Variants in SNX2 observed in about 807,000 individuals in gnomAD.
SNX2 encodes the protein sorting nexin 2, also known as sorting nexin-2.
SNX2 carries 25 observed loss-of-function variants against 69.9 expected under a neutral mutation model. That is an observed-to-expected ratio of 0.36 (90% confidence interval 0.26 to 0.50). The LOEUF (loss-of-function observed/expected upper bound fraction) is 0.50. Among genes scored for constraint, SNX2 ranks in the 20% least tolerant of loss-of-function variants. The probability of loss-of-function intolerance (pLI) is 0.97; values close to 1 mark genes in which losing one functional copy is unlikely to be tolerated. For missense variants in SNX2, 551 were observed against 613.3 expected (o/e 0.90, Z 1.07); for synonymous variants, 229 against 200.4 (o/e 1.14, Z -1.20).
intron 12 of SNX2, among the ~76,000 whole-genome samples, chr5:122,826,999 A>T (rs1754163936): frequency 6.6e-6 from 1 of 152,084 alleles, no homozygotes; most frequent in Non-Finnish European, 1.5e-5. Context: ...GTATTGATAT[A>T]TTCTGAAATA....
At chr5:122,827,968 C>A (rs1450120758) in intron 14 of SNX2, 2 of 209,784 alleles carry the variant, frequency 9.5e-6, no homozygotes, top group African/African-American at 4.6e-5. Context: ...TGAGTAAATT[C>A]TCATAGTAAG....
intron 1 of SNX2, among the ~76,000 whole-genome samples, chr5:122,778,721 T>C (rs1412047208): frequency 1.3e-5 from 2 of 152,166 alleles, no homozygotes; most frequent in Non-Finnish European, 1.5e-5. Flanking sequence ...TAATATCTTA[T>C]TGTGGTTTTG....
Position 122,801,886 on chromosome 5 carries a change from T to A in SNX2, c.408T>A (p.Asn136Lys), listed in dbSNP as rs1561456733. The A allele has an allele frequency of 6.3e-7, 1 of 1,598,484 alleles. No homozygotes were observed. Among genetic ancestry groups the A allele is most frequent in the African/African-American group, 1.3e-5 (1 of 74,620 alleles). The change falls in exon 4 of 15, where the codon AAT becomes AAA. Residue 136 changes from asparagine to lysine, a missense_variant. By Grantham distance (94) the Asn-to-Lys change is moderately conservative (BLOSUM62 0). Coordinates refer to ENST00000379516, the MANE Select transcript of SNX2 (RefSeq NM_003100.4). ...CTTTCTAGATTGAAGAAGAAGCAAA[T>A]GGAGACATTTTTGACATAGAAATTG... ...RSREEIEEEA[N>K]GDIFDIEIGV...
chr5:122,827,417 A>G lies in SNX2; in HGVS notation c.1395A>G (p.Glu465=), dbSNP rs370876112. ...TGCAACAAGGGGAAAGAGATTTTGA[A>G]CAGATATCTAAAACGATTCGAAAAG... ...AKVQQGERDF[E]QISKTIRKEV... The change falls in exon 13 of 15, where the codon GAA becomes GAG. Residue 465 remains glutamate (E), a synonymous_variant. Coordinates refer to ENST00000379516, the MANE Select transcript of SNX2 (RefSeq NM_003100.4). 34 of 1,613,442 alleles carry G rather than the reference A, an allele frequency of 2.1e-5. No individual in the cohort carries two copies. The highest frequency in any genetic ancestry group is 4.0e-5 in the African/African-American group (3 of 74,902).
intron 1 of SNX2, among the ~76,000 whole-genome samples, chr5:122,786,370 G>T (rs75267127): frequency 6.6e-6 from 1 of 151,774 alleles, no homozygotes; most frequent in African/African-American, 2.4e-5. Context: ...TAGATCTACC[G>T]TTTTATTTGC....
intron 14 of SNX2, among the ~76,000 whole-genome samples, chr5:122,828,234 C>T (rs1754204417): frequency 6.6e-6 from 1 of 151,592 alleles, no homozygotes; most frequent in Non-Finnish European, 1.5e-5. Flanking sequence ...AGGATTTCTT[C>T]CTTCCAGTTT....
At chr5:122,810,917 C>A (rs893696903) in intron 7 of SNX2, among the ~76,000 whole-genome samples, 1 of 152,170 alleles carries the variant, frequency 6.6e-6, no homozygotes, top group African/African-American at 2.4e-5. Flanking sequence ...AATCTTAATT[C>A]TTCTGTGCAA....
intron 11 of SNX2, among the ~76,000 whole-genome samples, chr5:122,824,992 C>G (rs954703482): frequency 2.6e-5 from 4 of 152,038 alleles, no homozygotes; most frequent in African/African-American, 9.7e-5. Context: ...GTGAATTTAC[C>G]CATGGTCATA....
chr5:122,793,219 TC>T (rs946811468), intron 1 of SNX2, among the ~76,000 whole-genome samples: 4 of 152,226 alleles, frequency 2.6e-5, no homozygotes, highest in African/African-American at 9.6e-5. Flanking sequence ...TTGATAAACA[TC>T]TAAGTGCTTA....
chr5:122,786,056 C>T (rs1277495246), intron 1 of SNX2, among the ~76,000 whole-genome samples: 1 of 152,122 alleles, frequency 6.6e-6, no homozygotes, highest in Admixed American at 6.5e-5. Flanking sequence ...TATTTTGTTA[C>T]ATAGATGCTT....
intron 6 of SNX2, 200 bp downstream of exon 6, chr5:122,803,813 G>T: frequency 2.1e-6 from 1 of 481,204 alleles, no homozygotes; most frequent in African/African-American, 2.0e-5. Context: ...TAACACTTGA[G>T]GATTTTTGTT....
chr5:122,784,692 T>C (rs547191946), intron 1 of SNX2, among the ~76,000 whole-genome samples: 1 of 152,300 alleles, frequency 6.6e-6, no homozygotes, highest in South Asian at 2.1e-4. Flanking sequence ...ACGACAGATA[T>C]TTGTGTTTTC....
intron 5 of SNX2, among the ~76,000 whole-genome samples, chr5:122,802,376 A>AG (rs915584348): frequency 1.3e-4 from 20 of 151,906 alleles, no homozygotes; most frequent in African/African-American, 4.1e-4. Context: ...GATGGGGAGG[A>AG]GGGGGGGAAG....
chr5:122,794,347 A>T (rs1407680593), intron 1 of SNX2, among the ~76,000 whole-genome samples: 2 of 152,184 alleles, frequency 1.3e-5, no homozygotes, highest in African/African-American at 4.8e-5. Flanking sequence ...AAGAATAGTC[A>T]TTAGCTTAGA....
intron 7 of SNX2, 85 bp downstream of exon 7, chr5:122,808,440 T>C (rs925690337): frequency 6.9e-6 from 7 of 1,018,114 alleles, no homozygotes; most frequent in Non-Finnish European, 8.5e-6. Flanking sequence ...AACTGTGTTT[T>C]AATGATTAAA....
At position 122,799,924 on chromosome 5, in the gene SNX2, C is replaced by G. The variant is rs557163354; in HGVS notation, c.390+69C>G. On this transcript the variant is annotated intron_variant, in intron 3 of 14. Transcript: ENST00000379516. ...TTTTTCCCCACCCAACATCACTCTG[C>G]TGTTAGTCATTTCTAATCAAAGCCT... 11 of 1,196,396 alleles carry G rather than the reference C, an allele frequency of 9.2e-6. No homozygotes were observed. The African/African-American group carries it at 1.4e-4, about 15-fold the overall frequency. 74.1% of individuals were successfully genotyped at this position (1,196,396 alleles called of 1,614,324 possible). A position where few individuals can be genotyped will look rare whatever the true frequency, so the allele number is the denominator to read the frequency against.
At chr5:122,775,850 G>A in intron 1 of SNX2, 1 of 905,054 alleles carries the variant, frequency 1.1e-6, no homozygotes, top group East Asian at 1.2e-4. Context: ...CTGAAGGCAG[G>A]ATTAGTCCAG....
chr5:122,789,417 C>T (rs1028493624), intron 1 of SNX2, among the ~76,000 whole-genome samples: 1 of 150,394 alleles, frequency 6.6e-6, no homozygotes. Context: ...CAAGACCGCC[C>T]CACCTTCCCC....
chr5:122,777,905 A>G (rs976393379), intron 1 of SNX2, among the ~76,000 whole-genome samples: 18 of 152,234 alleles, frequency 1.2e-4, no homozygotes, highest in Admixed American at 2.0e-4. Flanking sequence ...TAGTCAATGT[A>G]TGGTGTTCTA....
Sources: gnomAD v4.1 joint callset for allele counts (sites outside exome capture counted in the v4.1 genomes callset) on GRCh38, gnomAD v4.1.1 for gene constraint, MANE v1.5 for transcripts, NCBI Gene and HGNC (gene_info 2026-07-23, HGNC 2026-07-21) for gene names.